Variants in CCDC171 observed in about 807,000 individuals in gnomAD.
CCDC171 encodes coiled-coil domain-containing protein 171.
A neutral mutation model predicts 168.2 loss-of-function variants in CCDC171; 177 were observed. The ratio of observed to expected loss-of-function variants is 1.05; its 90% confidence interval spans 0.93 to 1.19. The LOEUF is 1.19. Among genes scored for constraint, CCDC171 ranks in the 50% most tolerant of loss-of-function variants. The pLI is 0.00. For missense variants in CCDC171, 1,991 were observed against 1,539.0 expected (o/e 1.29, Z -4.91); for synonymous variants, 687 against 540.8 (o/e 1.27, Z -3.75).
Position 15,665,311 on chromosome 9 carries a change from A to G in CCDC171, c.916-852A>G, listed in dbSNP as rs78966862. On this transcript the variant is annotated intron_variant, in intron 8 of 25. Coordinates refer to ENST00000380701, the MANE Select transcript of CCDC171 (RefSeq NM_173550.4). ...GACTATTTTGAAGTAAATCCCAGAT[A>G]TCAAATAACGATAACCATAAATATT... is the stretch of plus-strand genomic sequence containing the variant. 2.3e-4 allele frequency among the ~76,000 whole-genome samples: 35 copies of G among 152,286 alleles called. No individual in the cohort carries two copies. The East Asian group carries it at 6.7e-3, about 29-fold the overall frequency.
In CCDC171 at chr9:15,855,345, T is replaced by A. The variant is rs926113364; in HGVS notation, c.3468+6398T>A. Among the ~76,000 whole-genome samples the A allele has an allele frequency of 4.6e-5, 7 of 151,882 alleles. No homozygotes were observed. In the East Asian group the frequency reaches 1.2e-3, roughly 25 times the overall value. On this transcript the variant is annotated intron_variant, in intron 23 of 25. Transcript: ENST00000380701. ...AATTTTGACTTTAAAGTCTTTCGTC[T>A]GATATTAGTGTAGGCGCTCCAGCTC...
chr9:15,881,962 A>C, intron 24 of CCDC171, among the ~76,000 whole-genome samples: 1 of 152,182 alleles, frequency 6.6e-6, no homozygotes, highest in Admixed American at 6.5e-5. Context: ...CATACCCAGT[A>C]GTGGAGTTAC....
Position 15,821,388 on chromosome 9 carries a change from C to T in CCDC171, c.3268-25314C>T, listed in dbSNP as rs202147676. ...AGGGCATTCAGTTAGGAAAACAGGA[C>T]GTCAAATTGTCCCTGTTTGCAGATC... On this transcript the variant is annotated intron_variant, in intron 21 of 25. Coordinates refer to ENST00000380701, the MANE Select transcript of CCDC171 (RefSeq NM_173550.4). 4.3e-5 allele frequency among the ~76,000 whole-genome samples: 5 copies of T among 116,840 alleles called. 2 individuals carry two copies. The highest frequency in any genetic ancestry group is 8.1e-5 in the Admixed American group (1 of 12,340). The allele number at this position is 116,840 out of a possible 152,430, so 76.7% of individuals were successfully genotyped here. A position where few individuals can be genotyped will look rare whatever the true frequency, so the allele number is the denominator to read the frequency against.
At chr9:15,780,089 G>A (rs144174346) in intron 20 of CCDC171, among the ~76,000 whole-genome samples, 222 of 152,356 alleles carry the variant, frequency 1.5e-3, no homozygotes, top group Non-Finnish European at 2.6e-3. Context: ...AGCAGCAGGT[G>A]TAGTAGTTTA....
chr9:16,041,497 A>G (rs1254612580), upstream of CCDC171, among the ~76,000 whole-genome samples: 5 of 152,182 alleles, frequency 3.3e-5, no homozygotes, highest in African/African-American at 1.2e-4. Context: ...TTCATGGTAA[A>G]GGGAGGGCAA....
intron 24 of CCDC171, among the ~76,000 whole-genome samples, chr9:15,901,514 GTCT>G: frequency 6.6e-6 from 1 of 152,142 alleles, no homozygotes; most frequent in Non-Finnish European, 1.5e-5. Flanking sequence ...TCTAAAAATA[GTCT>G]ATTTAAAAAG....
chr9:15,852,980 T>C (rs2061198132), intron 23 of CCDC171, among the ~76,000 whole-genome samples: 1 of 151,702 alleles, frequency 6.6e-6, no homozygotes, highest in African/African-American at 2.4e-5. Context: ...TAAGTTTTGA[T>C]GACGATGTTT....
intron 6 of CCDC171, among the ~76,000 whole-genome samples, chr9:15,614,393 G>A (rs1351914028): frequency 6.6e-6 from 1 of 152,034 alleles, no homozygotes; most frequent in Non-Finnish European, 1.5e-5. Flanking sequence ...GGTGGGGTGG[G>A]GATGAGAATA....
the CCDC171 span, among the ~76,000 whole-genome samples, chr9:16,069,781 G>T: frequency 6.6e-6 from 1 of 152,090 alleles, no homozygotes; most frequent in African/African-American, 2.4e-5. Context: ...ACCCCCACTC[G>T]GGTCATTTGA....
At chr9:15,642,951 A>T (rs2046756610) in intron 7 of CCDC171, among the ~76,000 whole-genome samples, 1 of 152,184 alleles carries the variant, frequency 6.6e-6, no homozygotes, top group Non-Finnish European at 1.5e-5. Context: ...CATTTAACAA[A>T]ATATATGACT....
intron 24 of CCDC171, among the ~76,000 whole-genome samples, chr9:15,892,615 C>A (rs925136958): frequency 6.6e-6 from 1 of 151,998 alleles, no homozygotes; most frequent in Non-Finnish European, 1.5e-5. Flanking sequence ...AGTACAAAAT[C>A]GGTGTGCAAA....
intron 25 of CCDC171, among the ~76,000 whole-genome samples, chr9:15,928,814 C>T (rs966610672): frequency 6.6e-6 from 1 of 151,554 alleles, no homozygotes; most frequent in Non-Finnish European, 1.5e-5. Flanking sequence ...GCATATATTT[C>T]CAAACTTTTA....
At chr9:15,635,491 C>G (rs2046129876) in intron 7 of CCDC171, among the ~76,000 whole-genome samples, 1 of 152,166 alleles carries the variant, frequency 6.6e-6, no homozygotes, top group African/African-American at 2.4e-5. Flanking sequence ...GGCTGGAACA[C>G]TCAGCAAGTC....
chr9:15,656,986 C>G, intron 7 of CCDC171, 141 bp from the exon 8 acceptor site: 1 of 442,926 alleles, frequency 2.3e-6, no homozygotes, highest in Non-Finnish European at 4.1e-6. Context: ...ATGAATTTTA[C>G]ATTCCATTCT....
At chr9:16,017,589 A>C (rs1191178164) in intron 3 of CCDC171, among the ~76,000 whole-genome samples, 1 of 152,220 alleles carries the variant, frequency 6.6e-6, no homozygotes, top group African/African-American at 2.4e-5. Flanking sequence ...TCACTTACCA[A>C]AAAGCTTATA....
intron 4 of CCDC171, among the ~76,000 whole-genome samples, chr9:15,579,732 GTATA>G (rs1387857419): frequency 1.3e-5 from 2 of 152,070 alleles, no homozygotes; most frequent in African/African-American, 4.8e-5. Context: ...GAATCATAAA[GTATA>G]TATTCTTTTT....
intron 3 of CCDC171, among the ~76,000 whole-genome samples, chr9:15,998,508 G>A (rs1328269): frequency 3.9e-5 from 6 of 152,082 alleles, no homozygotes; most frequent in East Asian, 1.9e-4. Context: ...GAGTCCATAC[G>A]CAGATTGTCT....
intron 1 of CCDC171, among the ~76,000 whole-genome samples, chr9:16,050,055 T>G (rs1374319980): frequency 1.3e-5 from 2 of 152,106 alleles, no homozygotes; most frequent in Non-Finnish European, 2.9e-5. Context: ...CCTGGCTAAT[T>G]TTTGTATTTT....
intron 3 of CCDC171, among the ~76,000 whole-genome samples, chr9:15,983,643 G>C (rs1246778107): frequency 6.6e-6 from 1 of 152,040 alleles, no homozygotes; most frequent in East Asian, 1.9e-4. Flanking sequence ...ATAAACATTT[G>C]TGTTTCATAC....
Sources: gnomAD v4.1 joint callset for allele counts (sites outside exome capture counted in the v4.1 genomes callset) on GRCh38, gnomAD v4.1.1 for gene constraint, MANE v1.5 for transcripts, NCBI Gene and HGNC (gene_info 2026-07-23, HGNC 2026-07-21) for gene names.